ROBO2: variants seen among roughly 807,000 people sequenced by gnomAD.
The protein encoded by ROBO2 is roundabout homolog 2.
ROBO2 carries 53 observed loss-of-function variants against 160.8 expected under a neutral mutation model. The ratio of observed to expected loss-of-function variants is 0.33; its 90% CI spans 0.26 to 0.41. The LOEUF is 0.41. Ranked by LOEUF, ROBO2 falls within the 10% of genes least tolerant of loss-of-function variation. The pLI is 1.00. For missense variants in ROBO2, 1,577 were observed against 1,722.4 expected, an observed-to-expected ratio of 0.92 and a Z score of 1.49; for synonymous variants, 664 against 611.7, an observed-to-expected ratio of 1.09 and a Z score of -1.26.
intron 2 of ROBO2, among the ~76,000 whole-genome samples, chr3:76,954,410 G>A (rs944338243): frequency 2.6e-5 from 4 of 152,170 alleles, no homozygotes; most frequent in African/African-American, 9.7e-5. Flanking sequence ...TTCTCTGAAT[G>A]TATTTTCTCA....
At chr3:76,226,629 C>T (rs1230463820) in intron 2 of ROBO2, among the ~76,000 whole-genome samples, 1 of 152,032 alleles carries the variant, frequency 6.6e-6, no homozygotes, top group Non-Finnish European at 1.5e-5. Context: ...TGAATCTCAA[C>T]CCAGCCTAGA....
At chr3:76,883,806 A>G (rs1157623295) in intron 2 of ROBO2, among the ~76,000 whole-genome samples, 1 of 152,204 alleles carries the variant, frequency 6.6e-6, no homozygotes, top group Admixed American at 6.5e-5. Flanking sequence ...TTTTTGTTCA[A>G]CAATATTATC....
intron 2 of ROBO2, among the ~76,000 whole-genome samples, chr3:76,642,930 TGACA>T (rs1430344369): frequency 5.3e-5 from 8 of 152,138 alleles, no homozygotes; most frequent in Admixed American, 1.3e-4. Context: ...AAATAAATAA[TGACA>T]GACAGTTACT....
chr3:77,553,502 T>C (rs1012169368), intron 8 of ROBO2, among the ~76,000 whole-genome samples: 7 of 151,950 alleles, frequency 4.6e-5, no homozygotes, highest in African/African-American at 1.7e-4. Context: ...GGAAGGCATG[T>C]CAAAAACTGA....
chr3:77,542,378 T>C (rs1462768322), intron 6 of ROBO2, among the ~76,000 whole-genome samples: 1 of 152,234 alleles, frequency 6.6e-6, no homozygotes, highest in Non-Finnish European at 1.5e-5. Context: ...GTTTCCATTT[T>C]TTCATTTTTT....
At chr3:77,181,635 G>A (rs2080792035) in intron 2 of ROBO2, among the ~76,000 whole-genome samples, 1 of 152,002 alleles carries the variant, frequency 6.6e-6, no homozygotes, top group Admixed American at 6.6e-5. Flanking sequence ...AGAGGAATTA[G>A]GATTTAACCA....
intron 2 of ROBO2, among the ~76,000 whole-genome samples, chr3:76,875,409 A>G (rs569037918): frequency 6.6e-6 from 1 of 152,332 alleles, no homozygotes; most frequent in Non-Finnish European, 1.5e-5. Context: ...GCTATAACAA[A>G]TTATCACAAA....
At chr3:77,483,491 G>C (rs1412143084) in intron 4 of ROBO2, among the ~76,000 whole-genome samples, 1 of 151,372 alleles carries the variant, frequency 6.6e-6, no homozygotes, top group Non-Finnish European at 1.5e-5. Context: ...TATCATTTTT[G>C]ACCAAATATT....
In ROBO2 at chr3:77,617,319, C is replaced by G. The variant is rs112871923; in HGVS notation, c.3294-194C>G. Among the ~76,000 whole-genome samples, 334 of 152,268 alleles carry G rather than the reference C, an allele frequency of 2.2e-3. 2 individuals carry two copies. Among genetic ancestry groups the G allele is most frequent in the African/African-American group, 7.7e-3 (321 of 41,548 alleles). ...AGAATAAATTGAGATATTGAGATAA[C>G]AGATGTAATTACAATTAGAAATTAA... On this transcript the variant is annotated intron_variant, in intron 21 of 25. Transcript: ENST00000461745.
chr3:76,907,092 C>T (rs546267305), intron 2 of ROBO2, among the ~76,000 whole-genome samples: 67 of 152,012 alleles, frequency 4.4e-4, no homozygotes, highest in Non-Finnish European at 8.4e-4. Flanking sequence ...ATAATATTAC[C>T]TGCATCATAG....
intron 2 of ROBO2, among the ~76,000 whole-genome samples, chr3:76,323,164 CA>C (rs2072714823): frequency 6.6e-6 from 1 of 151,654 alleles, no homozygotes; most frequent in African/African-American, 2.4e-5. Context: ...CACACACACA[CA>C]CACACACACA....
At chr3:76,771,402 T>A (rs180764635) in intron 2 of ROBO2, among the ~76,000 whole-genome samples, 2 of 151,482 alleles carry the variant, frequency 1.3e-5, no homozygotes, top group Admixed American at 1.3e-4. Flanking sequence ...TGATACTTAT[T>A]TTGAACAGCA....
At chr3:75,966,584 C>T (rs184884263) in intron 2 of ROBO2, among the ~76,000 whole-genome samples, 66 of 151,648 alleles carry the variant, frequency 4.4e-4, no homozygotes, top group Non-Finnish European at 5.5e-4. Context: ...GCATGAGTGA[C>T]GTCAAGTCAG....
chr3:77,017,238 T>C (rs1006133865), intron 2 of ROBO2, among the ~76,000 whole-genome samples: 2 of 152,186 alleles, frequency 1.3e-5, no homozygotes, highest in Non-Finnish European at 2.9e-5. Flanking sequence ...GGTAGAAAAA[T>C]AATCAGTCTT....
rs535751045 is a variant in ROBO2, at chr3:76,404,576, C to CT, written c.109+466984dup. The stretch of plus-strand genomic sequence containing the variant: ...GATCAGGTAGTTTAATAAGGGTGAA[C>CT]TTTTTTTTTTAATAGTTGCAAGCAT... On this transcript the variant is annotated intron_variant, in intron 2 of 26. Coordinates refer to the ROBO2 transcript ENST00000487694. Among the ~76,000 whole-genome samples the CT allele has an allele frequency of 8.4e-3, 1,243 of 147,966 alleles. 16 individuals carry two copies. The highest frequency in any genetic ancestry group is 0.055 in the South Asian group (255 of 4,648).
At chr3:77,386,938 A>G (rs1251559796) in intron 2 of ROBO2, among the ~76,000 whole-genome samples, 1 of 151,928 alleles carries the variant, frequency 6.6e-6, no homozygotes, top group Non-Finnish European at 1.5e-5. Context: ...GCTTGATCAA[A>G]CAGGAAAAGC....
intron 2 of ROBO2, among the ~76,000 whole-genome samples, chr3:76,728,725 C>T (rs761374602): frequency 2.0e-5 from 3 of 152,136 alleles, no homozygotes; most frequent in East Asian, 1.9e-4. Flanking sequence ...CACCCTGGAT[C>T]GCAGCTTACA....
intron 2 of ROBO2, among the ~76,000 whole-genome samples, chr3:76,963,981 C>T (rs1350731834): frequency 6.6e-6 from 1 of 151,970 alleles, no homozygotes; most frequent in Non-Finnish European, 1.5e-5. Context: ...CAAATGAACT[C>T]AAGGCTAATT....
intron 2 of ROBO2, among the ~76,000 whole-genome samples, chr3:76,153,549 C>G (rs1044690703): frequency 6.6e-6 from 1 of 152,062 alleles, no homozygotes; most frequent in Non-Finnish European, 1.5e-5. Context: ...CCTGGATGGT[C>G]TTTTTAAAAT....
Sources: allele counts gnomAD v4.1 joint callset (sites outside exome capture counted in the v4.1 genomes callset), GRCh38; gene constraint gnomAD v4.1.1; transcripts MANE v1.5; gene names NCBI Gene and HGNC (gene_info 2026-07-23, HGNC 2026-07-21).